The following TRPS1 variants were observed in gnomAD, a reference collection of about 807,000 sequenced individuals.
The protein encoded by TRPS1 is transcriptional repressor GATA binding 1.
Under a neutral mutation model 101.2 loss-of-function variants are expected in TRPS1, and 6 were observed. The observed-to-expected ratio is 0.06, with a 90% CI of 0.03 to 0.12. The LOEUF is 0.12. TRPS1 is among the 10% of genes least tolerant of loss of function. TRPS1 has a pLI of 1.00. For missense variants in TRPS1, 1,363 were observed against 1,567.0 expected (o/e 0.87, Z 2.20); for synonymous variants, 578 against 589.8 (o/e 0.98, Z 0.29).
At chr8:115,508,692 C>G (rs772351341) in intron 5 of TRPS1, among the ~76,000 whole-genome samples, 18 of 151,932 alleles carry the variant, frequency 1.2e-4, no homozygotes, top group Non-Finnish European at 2.5e-4. Context: ...GCATTTCCTT[C>G]TAAATCTTGT....
intron 1 of TRPS1, among the ~76,000 whole-genome samples, chr8:115,635,339 C>A (rs1818744068): frequency 6.6e-6 from 1 of 152,148 alleles, no homozygotes; most frequent in Non-Finnish European, 1.5e-5. Flanking sequence ...GGCATCAGCA[C>A]TCATTTTGCA....
chr8:115,570,485 T>A (rs2130393614), intron 5 of TRPS1, among the ~76,000 whole-genome samples: 1 of 152,160 alleles, frequency 6.6e-6, no homozygotes, highest in East Asian at 1.9e-4. Context: ...ATTAGCAGTA[T>A]AACAGGGCCA....
At chr8:115,545,134 A>G (rs1816541169) in intron 5 of TRPS1, among the ~76,000 whole-genome samples, 1 of 152,276 alleles carries the variant, frequency 6.6e-6, no homozygotes, top group East Asian at 1.9e-4. Context: ...ATGCACGCTT[A>G]TGGTTGGAAA....
chr8:115,488,404 C>T (rs561673040), intron 5 of TRPS1, among the ~76,000 whole-genome samples: 1 of 152,242 alleles, frequency 6.6e-6, no homozygotes, highest in South Asian at 2.1e-4. Context: ...ATAAATAAGA[C>T]TACCGGCCAG....
chr8:115,539,543 G>A (rs1225213509), intron 5 of TRPS1, among the ~76,000 whole-genome samples: 3 of 152,116 alleles, frequency 2.0e-5, no homozygotes, highest in African/African-American at 7.2e-5. Flanking sequence ...TGGGTCAATT[G>A]AGATAAAGAA....
chr8:115,484,754 G>A (rs1458884952), intron 5 of TRPS1, among the ~76,000 whole-genome samples: 2 of 152,042 alleles, frequency 1.3e-5, no homozygotes, highest in Non-Finnish European at 2.9e-5. Flanking sequence ...TTATCTCATT[G>A]ACTGAACATT....
chr8:115,479,377 C>A (rs1359434456), intron 5 of TRPS1, among the ~76,000 whole-genome samples: 1 of 152,036 alleles, frequency 6.6e-6, no homozygotes, highest in African/African-American at 2.4e-5. Flanking sequence ...TTTCCATAGA[C>A]AAAATGTATC....
In TRPS1 at chr8:115,409,319, T is replaced by C. The variant is rs1812734373; in HGVS notation, c.*4704A>G. On this transcript the variant is annotated 3_prime_UTR_variant, in exon 7 of 7. Transcript: ENST00000395715. ...AGAATTGAGTTTTGGGACTCTATGCTCTAGAAGGACAATTTTCTCTGATAA... is the reference window on the plus strand; with the variant it reads ...AGAATTGAGTTTTGGGACTCTATGCCCTAGAAGGACAATTTTCTCTGATAA... 1 of 144,662 alleles carries C rather than the reference T, an allele frequency of 6.9e-6. No individual in the cohort carries two copies. The highest frequency in any genetic ancestry group is 1.5e-5 in the Non-Finnish European group (1 of 66,788). 9.0% of individuals were successfully genotyped at this position (144,662 alleles called of 1,614,324 possible).
chr8:115,451,405 T>C (rs1813869710), intron 5 of TRPS1, among the ~76,000 whole-genome samples: 1 of 152,052 alleles, frequency 6.6e-6, no homozygotes, highest in African/African-American at 2.4e-5. Context: ...CAGAAGGGGA[T>C]ATAAAAGGAA....
intron 5 of TRPS1, among the ~76,000 whole-genome samples, chr8:115,464,644 T>G (rs1252763361): frequency 1.3e-5 from 2 of 152,162 alleles, no homozygotes; most frequent in African/African-American, 4.8e-5. Context: ...GTTTTCCTTT[T>G]GTTTTACTTT....
At chr8:115,651,952 G>T (rs1436120471) in intron 1 of TRPS1, among the ~76,000 whole-genome samples, 3 of 152,140 alleles carry the variant, frequency 2.0e-5, no homozygotes, top group African/African-American at 7.2e-5. Flanking sequence ...AAGTTTAAAA[G>T]CAAGTACTTA....
chr8:115,652,177 T>TA (rs1266135489), intron 1 of TRPS1, among the ~76,000 whole-genome samples: 2 of 152,166 alleles, frequency 1.3e-5, no homozygotes, highest in Admixed American at 6.5e-5. Flanking sequence ...AGAGAATGGC[T>TA]GACAGCATCC....
At chr8:115,584,224 T>G (rs1448910349) in intron 5 of TRPS1, among the ~76,000 whole-genome samples, 1 of 152,028 alleles carries the variant, frequency 6.6e-6, no homozygotes, top group African/African-American at 2.4e-5. Flanking sequence ...GATATCACTC[T>G]GTATAGTATT....
intron 1 of TRPS1, among the ~76,000 whole-genome samples, chr8:115,657,743 G>A (rs1398751518): frequency 6.6e-6 from 1 of 152,036 alleles, no homozygotes; most frequent in African/African-American, 2.4e-5. Context: ...CACAGTTGGT[G>A]CTTATAATTG....
intron 5 of TRPS1, among the ~76,000 whole-genome samples, chr8:115,420,271 G>A (rs1813020795): frequency 1.3e-5 from 2 of 152,134 alleles, no homozygotes; most frequent in South Asian, 4.1e-4. Context: ...CTGCAAAAGT[G>A]GACTGCTGCT....
chr8:115,502,596 C>A (rs551337495), intron 5 of TRPS1, among the ~76,000 whole-genome samples: 23 of 152,258 alleles, frequency 1.5e-4, no homozygotes, highest in African/African-American at 4.8e-4. Context: ...AGAAATGATA[C>A]ACGGTATTTG....
intron 5 of TRPS1, among the ~76,000 whole-genome samples, chr8:115,491,702 A>G (rs1014477331): frequency 2.0e-5 from 3 of 152,122 alleles, no homozygotes; most frequent in African/African-American, 7.2e-5. Context: ...AAAGAAAGAG[A>G]GAGAGAGAAA....
intron 5 of TRPS1, among the ~76,000 whole-genome samples, chr8:115,551,536 C>A (rs1183016567): frequency 6.6e-6 from 1 of 152,098 alleles, no homozygotes; most frequent in Non-Finnish European, 1.5e-5. Context: ...CCACTAAAGT[C>A]TTTATCATCA....
Position 115,414,173 on chromosome 8 carries a change from C to T in TRPS1, c.3735G>A (p.Leu1245=), listed in dbSNP as rs1812855299. The T allele has an allele frequency of 6.2e-7, 1 of 1,614,038 alleles. No homozygotes were observed. Among genetic ancestry groups the T allele is most frequent in the African/African-American group, 1.3e-5 (1 of 75,034 alleles). The change falls in exon 7 of 7, where the codon TTG becomes TTA. Residue 1245 remains leucine, a synonymous_variant. Coordinates refer to ENST00000395715, the MANE Select transcript of TRPS1 (RefSeq NM_014112.5). This position sits in a 1 kb window ranked among gnomAD's most constrained non-coding sequence, Gnocchi z 4.8. ...CACTGTCACCATGGCAACTCATATG[C>T]AAAGCATACATCACTTCATCCAGAA... ...IVFLDEVMYA[L]HMSCHGDSGP...
Sources: gnomAD v4.1 joint callset for allele counts (sites outside exome capture counted in the v4.1 genomes callset) on GRCh38, gnomAD v4.1.1 for gene constraint, Gnocchi (gnomAD v3.1) non-coding constraint, MANE v1.5 for transcripts, NCBI Gene and HGNC (gene_info 2026-07-23, HGNC 2026-07-21) for gene names.